RAD51C: variants seen among roughly 807,000 people sequenced by gnomAD.
RAD51C encodes the protein DNA repair protein RAD51 homolog 3.
Under a neutral mutation model 45.0 loss-of-function variants are expected in RAD51C, and 42 were observed. That is an observed-to-expected ratio of 0.93 (90% CI 0.73 to 1.21). The LOEUF is 1.21. Ranked by LOEUF, RAD51C falls within the 50% of genes most tolerant of loss-of-function variation. The pLI is 0.00. For missense variants in RAD51C, 474 were observed against 452.2 expected, an observed-to-expected ratio of 1.05 and a Z score of -0.44; for synonymous variants, 172 against 159.8, an observed-to-expected ratio of 1.08 and a Z score of -0.58.
rs149331537 is a variant in RAD51C, at chr17:58,709,937, T to C, written c.784T>C (p.Leu262=). ...LDDLSLRTRL[L]NGLAQQMISL... Reference sequence around the variant, plus strand: ...TGACCTGTCTCTTCGTACTCGGTTATTAAATGGCCTAGCCCAGCAAATGAT... The same window carrying C: ...TGACCTGTCTCTTCGTACTCGGTTACTAAATGGCCTAGCCCAGCAAATGAT... Residue 262 remains leucine (L), a synonymous_variant, in exon 5 of 9, where the codon TTA becomes CTA. Transcript: ENST00000337432. The C allele has an allele frequency of 1.2e-6, 2 of 1,613,044 alleles. No homozygotes were observed. The highest frequency in any genetic ancestry group is 1.3e-5 in the African/African-American group (1 of 75,028).
chr17:58,704,013 C>G (rs1370336811), intron 4 of RAD51C, among the ~76,000 whole-genome samples: 2 of 142,748 alleles, frequency 1.4e-5, no homozygotes, highest in Non-Finnish European at 3.0e-5. Flanking sequence ...ACCTCAGCCT[C>G]CCAGAGTGCT....
chr17:58,713,022 C>A (rs1043321828), intron 5 of RAD51C, among the ~76,000 whole-genome samples: 1 of 151,502 alleles, frequency 6.6e-6, no homozygotes, highest in Non-Finnish European at 1.5e-5. Flanking sequence ...GCTACTTAAG[C>A]GGCTGAGGTG....
At chr17:58,718,154 G>A (rs1359601784) in intron 5 of RAD51C, among the ~76,000 whole-genome samples, 2 of 152,006 alleles carry the variant, frequency 1.3e-5, no homozygotes, top group East Asian at 1.9e-4. Flanking sequence ...CCGCCCCAAC[G>A]TTCGGCTAAT....
At chr17:58,694,833 C>A (rs2143714706) in intron 1 of RAD51C, 98 bp from the exon 2 acceptor site, 1 of 1,137,736 alleles carries the variant, frequency 8.8e-7, no homozygotes, top group Non-Finnish European at 1.3e-6. Flanking sequence ...CCACTCCTAG[C>A]ATCACTGTTG....
chr17:58,718,064 T>C lies in RAD51C; in HGVS notation c.838-2682T>C, dbSNP rs146932615. ...CAGGCTGGAGCGCAATGGTGCAATA[T>C]TGGCTCACTGCAACCTCTGCCTCCT... is the stretch of plus-strand genomic sequence containing the variant. On this transcript the variant is annotated intron_variant, in intron 5 of 8. Coordinates refer to ENST00000337432, the MANE Select transcript of RAD51C (RefSeq NM_058216.3). Among the ~76,000 whole-genome samples the C allele has an allele frequency of 2.2e-3, 333 of 152,240 alleles. 2 individuals are homozygous for C. The highest frequency in any genetic ancestry group is 0.017 in the Middle Eastern group (5 of 294).
At chr17:58,707,583 A>G (rs2048418208) in intron 4 of RAD51C, among the ~76,000 whole-genome samples, 1 of 151,910 alleles carries the variant, frequency 6.6e-6, no homozygotes, top group Non-Finnish European at 1.5e-5. Context: ...ATGTGCCTCA[A>G]AACTGTTCCA....
At chr17:58,705,995 C>T (rs1000841771) in intron 4 of RAD51C, 3 of 152,156 alleles carry the variant, frequency 2.0e-5, no homozygotes, top group South Asian at 2.1e-4. Context: ...AGTGAAATTC[C>T]CTTCCAGCTG....
chr17:58,727,574 G>T (rs575519944), intron 7 of RAD51C, among the ~76,000 whole-genome samples: 3 of 148,054 alleles, frequency 2.0e-5, no homozygotes, highest in South Asian at 2.1e-4. Context: ...TTTTTTTTTC[G>T]GGCTGTGGAT....
rs2047826441 is a variant in RAD51C at position 58,692,846 on chromosome 17, C to A, written c.145+58C>A. The A allele has an allele frequency of 1.9e-6, 3 of 1,612,242 alleles. No individual in the cohort carries two copies. In the South Asian group the frequency reaches 3.3e-5, roughly 18 times the overall value. On this transcript the variant is annotated intron_variant, in intron 1 of 8. Coordinates refer to ENST00000337432, the MANE Select transcript of RAD51C (RefSeq NM_058216.3). Reference sequence around the variant, plus strand: ...CGGCCGCCGTCAGCGCCGCCTCAGTCTTCGTTCTCTCGCCTCGGCCTTCAG... The same window carrying A: ...CGGCCGCCGTCAGCGCCGCCTCAGTATTCGTTCTCTCGCCTCGGCCTTCAG...
At chr17:58,703,357 T>C in intron 4 of RAD51C, 28 bp downstream of exon 4, 1 of 1,598,334 alleles carries the variant, frequency 6.3e-7, no homozygotes, top group Non-Finnish European at 8.6e-7. Flanking sequence ...GAAATGTAAC[T>C]AACCAAGTAT....
chr17:58,732,159 T>G (rs560525868), intron 7 of RAD51C, among the ~76,000 whole-genome samples: 1 of 152,234 alleles, frequency 6.6e-6, no homozygotes, highest in South Asian at 2.1e-4. Flanking sequence ...ATTTAGTATA[T>G]TATTAATACT....
chr17:58,731,679 T>C (rs1480097975), intron 7 of RAD51C, among the ~76,000 whole-genome samples: 1 of 152,244 alleles, frequency 6.6e-6, no homozygotes, highest in African/African-American at 2.4e-5. Flanking sequence ...ATATTAATTG[T>C]ATAAGACATA....
chr17:58,719,180 C>T (rs764951552), intron 5 of RAD51C, among the ~76,000 whole-genome samples: 23 of 151,766 alleles, frequency 1.5e-4, no homozygotes, highest in Admixed American at 8.5e-4. Context: ...GCCGAGATCG[C>T]GCCATTGCAC....
At chr17:58,717,877 A>G (rs924331182) in intron 5 of RAD51C, among the ~76,000 whole-genome samples, 5 of 152,324 alleles carry the variant, frequency 3.3e-5, no homozygotes, top group Admixed American at 6.5e-5. Flanking sequence ...CATGTCATCC[A>G]CTTGGTATCT....
intron 4 of RAD51C, chr17:58,706,514 T>A: frequency 2.2e-6 from 1 of 462,968 alleles, no homozygotes; most frequent in South Asian, 1.6e-5. Context: ...AGAATCACCC[T>A]ACTGCTCTGT....
chr17:58,706,958 C>T (rs768646253), intron 4 of RAD51C, among the ~76,000 whole-genome samples: 1 of 152,148 alleles, frequency 6.6e-6, no homozygotes, highest in Non-Finnish European at 1.5e-5. Flanking sequence ...TTTTCTACAT[C>T]TCTAAGTTCT....
intron 5 of RAD51C, among the ~76,000 whole-genome samples, chr17:58,714,787 T>C (rs919343858): frequency 6.6e-6 from 1 of 152,168 alleles, no homozygotes; most frequent in Non-Finnish European, 1.5e-5. Context: ...TTTGCCAAAT[T>C]GATATGGAGA....
chr17:58,712,632 A>G (rs1031617876), intron 5 of RAD51C, among the ~76,000 whole-genome samples: 1 of 147,470 alleles, frequency 6.8e-6, no homozygotes, highest in Non-Finnish European at 1.5e-5. Context: ...CATCCTGGCT[A>G]ACACGGTGAA....
Position 58,703,454 on chromosome 17 carries a change from TC to T in RAD51C, c.705+127del, listed in dbSNP as rs1473776237. The T allele has an allele frequency of 8.7e-5, 84 of 964,938 alleles. No homozygotes were observed. In the East Asian group the frequency reaches 2.0e-3, roughly 23 times the overall value. The allele number at this position is 964,938 out of a possible 1,614,324, so 59.8% of individuals were successfully genotyped here. On this transcript the variant is annotated intron_variant, in intron 4 of 8. Coordinates refer to ENST00000337432, the MANE Select transcript of RAD51C (RefSeq NM_058216.3). ...AAGCCAATTGAGAAAATCTCTTCCTTCCTTGACCTACAATTTATTTATATTT... is the reference window on the plus strand; with the variant it reads ...AAGCCAATTGAGAAAATCTCTTCCTTCTTGACCTACAATTTATTTATATTT...
Sources: gnomAD v4.1 joint callset for allele counts (sites outside exome capture counted in the v4.1 genomes callset) on GRCh38, gnomAD v4.1.1 for gene constraint, MANE v1.5 for transcripts, NCBI Gene and HGNC (gene_info 2026-07-23, HGNC 2026-07-21) for gene names.